Variants in BICRA observed in about 807,000 individuals in gnomAD.
The protein encoded by BICRA is BRD4 interacting chromatin remodeling complex associated protein.
BICRA carries 31 observed loss-of-function variants against 96.9 expected under a neutral mutation model. The observed-to-expected ratio is 0.32, with a 90% CI of 0.24 to 0.43. The LOEUF (loss-of-function observed/expected upper bound fraction) is 0.43. Ranked by LOEUF, BICRA falls within the 20% of genes least tolerant of loss-of-function variation. The probability of loss-of-function intolerance (pLI) is 1.00; values close to 1 mark genes in which losing one functional copy is unlikely to be tolerated. For synonymous variants in BICRA, 1,350 were observed against 1,071.8 expected (o/e 1.26, Z -5.07); for missense variants, 2,283 against 2,190.3 (o/e 1.04, Z -0.84).
intron 1 of BICRA, among the ~76,000 whole-genome samples, chr19:47,616,304 T>A (rs1039877754): frequency 6.6e-6 from 1 of 152,178 alleles, no homozygotes; most frequent in Non-Finnish European, 1.5e-5. Context: ...GCTATGGCCT[T>A]TCCCCCAAAC....
At chr19:47,647,824 G>A (rs1417814888) in intron 1 of BICRA, among the ~76,000 whole-genome samples, 1 of 152,092 alleles carries the variant, frequency 6.6e-6, no homozygotes, top group African/African-American at 2.4e-5. Flanking sequence ...CACACTGCAC[G>A]GGGATCCTGT....
chr19:47,685,741 C>CTGTGTGTGTGTGTGTG lies in BICRA; in HGVS notation c.2283+3620_2283+3635dup, dbSNP rs3074109. On this transcript the variant is annotated intron_variant, in intron 7 of 14. Coordinates refer to ENST00000594866, the MANE Select transcript of BICRA (RefSeq NM_001394372.1). The stretch of plus-strand genomic sequence containing the variant: ...TGTACCCAGATGGATTTGGCAGCCT[C>CTGTGTGTGTGTGTGTG]TGTGTGTGTGTGTGTGTGTGTGTGT... Among the ~76,000 whole-genome samples the CTGTGTGTGTGTGTGTG allele has an allele frequency of 2.7e-3, 315 of 115,484 alleles. 1 individual carries two copies. The highest frequency in any genetic ancestry group is 5.2e-3 in the South Asian group (16 of 3,076). 75.8% of individuals were successfully genotyped at this position (115,484 alleles called of 152,430 possible).
Position 47,698,959 on chromosome 19 carries a change from T to C in BICRA, c.3398-6T>C. On this transcript the variant is annotated splice_polypyrimidine_tract_variant and splice_region_variant and intron_variant, in intron 12 of 14. Coordinates refer to ENST00000594866, the MANE Select transcript of BICRA (RefSeq NM_001394372.1). The surrounding 1 kb of genome is among the most constrained non-coding windows in gnomAD (Gnocchi z 4.8). ...TCCGCCCTTGCCTCTCTTCCCTTCC[T>C]CGCAGTGGACGAGGAGTTTGAGACG... The C allele has an allele frequency of 6.4e-7, 1 of 1,571,990 alleles. No individual in the cohort carries two copies. The highest frequency in any genetic ancestry group is 8.6e-7 in the Non-Finnish European group (1 of 1,157,822).
In BICRA at chr19:47,702,010, C is replaced by T. The variant is rs1412801143; in HGVS notation, c.4278C>T (p.Ser1426=). 4 of 1,488,148 alleles carry T rather than the reference C, an allele frequency of 2.7e-6. No individual in the cohort carries two copies. In the Admixed American group the frequency reaches 7.1e-5, roughly 27 times the overall value. 92.2% of individuals were successfully genotyped at this position (1,488,148 alleles called of 1,614,324 possible). A position where few individuals can be genotyped will look rare whatever the true frequency, so the allele number is the denominator to read the frequency against. Residue 1426 remains serine (S), a synonymous_variant, in exon 15 of 15, where the codon AGC becomes AGT. Coordinates refer to ENST00000594866, the MANE Select transcript of BICRA (RefSeq NM_001394372.1). ...CCGCCAAAGTGGACGAGGCCACCAG[C>T]GGGCTCATCCGCGAGCTGGCGGCCG... ...PLPAKVDEAT[S]GLIRELAAVE... is the part of the protein sequence containing the mutation.
intron 1 of BICRA, among the ~76,000 whole-genome samples, chr19:47,645,907 A>G (rs2911008): frequency 0.73 from 110,357 of 152,002 alleles, 40,518 homozygotes; most frequent in African/African-American, 0.83. Context: ...GACCAGCCTG[A>G]GCAACAGAGT....
chr19:47,628,050 G>A (rs1378198895), intron 1 of BICRA, among the ~76,000 whole-genome samples: 1 of 152,208 alleles, frequency 6.6e-6, no homozygotes, highest in Non-Finnish European at 1.5e-5. Context: ...TTACAGGTGT[G>A]AGCCACCGCG....
intron 7 of BICRA, among the ~76,000 whole-genome samples, chr19:47,685,456 G>A (rs1208485683): frequency 6.6e-6 from 1 of 152,122 alleles, no homozygotes; most frequent in Non-Finnish European, 1.5e-5. Context: ...AATGTTTGTT[G>A]GGTGAGCAAA....
chr19:47,637,763 G>A (rs1335161490), intron 1 of BICRA, among the ~76,000 whole-genome samples: 3 of 152,120 alleles, frequency 2.0e-5, no homozygotes, highest in African/African-American at 7.2e-5. Context: ...TTTGCCTGTT[G>A]TGGGTAATTC....
In BICRA at chr19:47,680,290, G is replaced by A. The variant is rs1158391350; in HGVS notation, c.1120G>A (p.Ala374Thr). The change falls in exon 6 of 15, where the codon GCG (alanine) becomes ACG (threonine). Residue 374 changes from alanine to threonine, a missense_variant. Physicochemically the swap from Ala to Thr is moderately conservative, Grantham distance 58 (BLOSUM62 0). Transcript: ENST00000594866. The stretch of plus-strand genomic sequence containing the variant: ...GCTGACGCCCAAGCCGTTTGCGCCC[G>A]CGGGCGCCACGCTCACCATCCAGGG... ...YQLTPKPFAP[A>T]GATLTIQGEP... The A allele has an allele frequency of 3.2e-6, 5 of 1,556,412 alleles. No individual in the cohort carries two copies. Among genetic ancestry groups the A allele is most frequent in the African/African-American group, 2.7e-5 (2 of 73,376 alleles).
rs548193219 is a variant in BICRA at position 47,611,109 on chromosome 19, C to G, written c.-108+1941C>G. 2.0e-5 allele frequency among the ~76,000 whole-genome samples: 3 copies of G among 149,258 alleles called. No individual in the cohort carries two copies. The East Asian group carries it at 5.8e-4, about 29-fold the overall frequency. On this transcript the variant is annotated intron_variant, in intron 1 of 14. Transcript: ENST00000594866. Reference sequence around the variant, plus strand: ...AAGAAGCTTGCCCAGGGTCACACAGCCCTGGGTCACACAGAGCCCCAATTT... The same window carrying G: ...AAGAAGCTTGCCCAGGGTCACACAGGCCTGGGTCACACAGAGCCCCAATTT...
At chr19:47,676,828 G>T (rs1451484539) in intron 5 of BICRA, among the ~76,000 whole-genome samples, 1 of 151,766 alleles carries the variant, frequency 6.6e-6, no homozygotes, top group African/African-American at 2.4e-5. Context: ...ACTATTTTGT[G>T]ATCACACTTC....
At chr19:47,620,440 G>C (rs1461835144) in intron 1 of BICRA, among the ~76,000 whole-genome samples, 1 of 152,000 alleles carries the variant, frequency 6.6e-6, no homozygotes, top group Non-Finnish European at 1.5e-5. Context: ...GTCAGGGCAG[G>C]TGGATCACCT....
chr19:47,623,909 T>C (rs1344767962), intron 1 of BICRA, among the ~76,000 whole-genome samples: 3 of 151,156 alleles, frequency 2.0e-5, no homozygotes, highest in Non-Finnish European at 4.4e-5. Flanking sequence ...TGGAGTGCAG[T>C]GGCGCGATCT....
At chr19:47,641,626 G>A (rs1003618849) in intron 1 of BICRA, among the ~76,000 whole-genome samples, 1 of 152,066 alleles carries the variant, frequency 6.6e-6, no homozygotes. Flanking sequence ...GTGACAGACC[G>A]ACACCCCATT....
rs1325841525 is a variant in BICRA at position 47,681,218 on chromosome 19, C to T, written c.2048C>T (p.Pro683Leu). ...GAGAAGATCGTCCTGGGGCAGCCGCCCTCTGCCACCCCCACGGCCATCCTC... is the reference window on the plus strand; with the variant it reads ...GAGAAGATCGTCCTGGGGCAGCCGCTCTCTGCCACCCCCACGGCCATCCTC... ...SPEKIVLGQP[P>L]SATPTAILTQ... is the part of the protein sequence containing the mutation. Residue 683 changes from proline (P) to leucine (L), a missense_variant, in exon 6 of 15, where the codon CCC becomes CTC. Transcript: ENST00000594866. 2 of 1,535,778 alleles carry T rather than the reference C, an allele frequency of 1.3e-6. No homozygotes were observed. Among genetic ancestry groups the T allele is most frequent in the East Asian group, 2.4e-5 (1 of 40,990 alleles).
In BICRA at chr19:47,639,471, C is replaced by A. The variant is rs370008402; in HGVS notation, c.-108+30303C>A. On this transcript the variant is annotated intron_variant, in intron 1 of 14. Transcript: ENST00000594866. Reference sequence around the variant, plus strand: ...CCTCCCGAGTAGCTGGGACTACAGGCGCCCGCTACTACACACCAGGCTAAT... The same window carrying A: ...CCTCCCGAGTAGCTGGGACTACAGGAGCCCGCTACTACACACCAGGCTAAT... 2.2e-4 allele frequency among the ~76,000 whole-genome samples: 34 copies of A among 151,240 alleles called. 1 individual carries two copies. The highest frequency in any genetic ancestry group is 8.3e-4 in the African/African-American group (34 of 41,180).
At chr19:47,697,847 G>A (rs1973371371) in intron 11 of BICRA, among the ~76,000 whole-genome samples, 1 of 152,078 alleles carries the variant, frequency 6.6e-6, no homozygotes, top group South Asian at 2.1e-4. Context: ...TGGGACTACA[G>A]GCACGTGCCA....
chr19:47,646,452 C>CGT (rs1972461024), intron 1 of BICRA, among the ~76,000 whole-genome samples: 1 of 152,194 alleles, frequency 6.6e-6, no homozygotes, highest in African/African-American at 2.4e-5. Flanking sequence ...CACGTGTGCG[C>CGT]GCACACACAC....
At chr19:47,610,530 C>T (rs888538768) in intron 1 of BICRA, among the ~76,000 whole-genome samples, 1 of 152,126 alleles carries the variant, frequency 6.6e-6, no homozygotes, top group Non-Finnish European at 1.5e-5. Context: ...GTGACAGGTC[C>T]TAGCTCTCTG....
Sources: gnomAD v4.1 joint callset for allele counts (sites outside exome capture counted in the v4.1 genomes callset) on GRCh38, gnomAD v4.1.1 for gene constraint, Gnocchi (gnomAD v3.1) non-coding constraint, MANE v1.5 for transcripts, NCBI Gene and HGNC (gene_info 2026-07-23, HGNC 2026-07-21) for gene names.